TRANK1: variants seen among roughly 807,000 people sequenced by gnomAD.
TRANK1 encodes tetratricopeptide repeat and ankyrin repeat containing 1, also known as TPR and ankyrin repeat-containing protein 1.
A neutral mutation model predicts 266.0 loss-of-function variants in TRANK1; 198 were observed. The ratio of observed to expected loss-of-function variants is 0.74; its 90% confidence interval spans 0.66 to 0.84. The LOEUF is 0.84. Among genes scored for constraint, TRANK1 ranks in the 40% least tolerant of loss-of-function variants. TRANK1 has a pLI of 0.00. For missense variants in TRANK1, 3,326 were observed against 3,634.6 expected (o/e 0.92, Z 2.18); for synonymous variants, 1,396 against 1,384.1 (o/e 1.01, Z -0.19).
intron 1 of TRANK1, among the ~76,000 whole-genome samples, chr3:36,908,960 T>A (rs2080013441): frequency 6.6e-6 from 1 of 152,150 alleles, no homozygotes; most frequent in Admixed American, 6.5e-5. Flanking sequence ...CTGTACCACA[T>A]CACGTATTGG....
chr3:36,832,193 C>G lies in TRANK1; in HGVS notation c.7390G>C (p.Gly2464Arg), dbSNP rs769749139. The change falls in exon 22 of 24, where the codon GGG becomes CGG. Residue 2464 changes from glycine to arginine, a missense_variant. Physicochemically the swap from Gly to Arg is moderately radical, Grantham distance 125. Transcript: ENST00000645898. ...TTCCAGAGGCGGGCCAGCACCACCC[C>G]ACAGTGGATGAACTGGAACTCCAGG... The part of the protein sequence containing the change: ...ALLEFQFIHC[G>R]VVLARLWKNV... 6.2e-7 allele frequency: 1 copy of G among 1,613,902 alleles called. No individual in the cohort carries two copies. Among genetic ancestry groups the G allele is most frequent in the Admixed American group, 1.7e-5 (1 of 60,004 alleles).
rs1202458349 is a variant in TRANK1, at chr3:36,944,992, CA to C, written c.-184del. 505 of 515,926 alleles carry C rather than the reference CA, an allele frequency of 9.8e-4. 3 individuals are homozygous for C. The highest frequency in any genetic ancestry group is 7.0e-3 in the African/African-American group (349 of 49,504). 32.0% of individuals were successfully genotyped at this position (515,926 alleles called of 1,614,324 possible). A position where few individuals can be genotyped will look rare whatever the true frequency, so the allele number is the denominator to read the frequency against. On this transcript the variant is annotated 5_prime_UTR_variant, in exon 1 of 24. Coordinates refer to ENST00000645898, the MANE Select transcript of TRANK1 (RefSeq NM_001329998.2). ...TGCGGCTCGGCTACCCAGCCGCGAT[CA>C]GAGGGGGCGGGGGACGCAGGAACCC...
chr3:36,864,170 C>T, intron 10 of TRANK1, 149 bp downstream of exon 10: 2 of 902,538 alleles, frequency 2.2e-6, no homozygotes, highest in East Asian at 3.0e-5. Flanking sequence ...ATGGATTTTA[C>T]ACCAAAGAAT....
At chr3:36,873,513 T>C (rs2079339682) in intron 9 of TRANK1, among the ~76,000 whole-genome samples, 1 of 152,192 alleles carries the variant, frequency 6.6e-6, no homozygotes. Context: ...GTAGAAAGAG[T>C]AACATTTACA....
chr3:36,864,129 G>A (rs887082135), intron 10 of TRANK1, among the ~76,000 whole-genome samples, 190 bp downstream of exon 10: 16 of 152,148 alleles, frequency 1.1e-4, no homozygotes, highest in African/African-American at 3.9e-4. Flanking sequence ...TCTGGGGATG[G>A]GATTTAGGGG....
At chr3:36,909,222 T>C (rs1031571183) in intron 1 of TRANK1, among the ~76,000 whole-genome samples, 7 of 152,254 alleles carry the variant, frequency 4.6e-5, no homozygotes, top group Non-Finnish European at 2.9e-5. Context: ...TTAAGTTTTG[T>C]AGCCGTATGG....
chr3:36,871,569 A>G (rs1277794332), intron 9 of TRANK1, among the ~76,000 whole-genome samples: 1 of 152,270 alleles, frequency 6.6e-6, no homozygotes, highest in South Asian at 2.1e-4. Context: ...GCATTCCACA[A>G]TGACCTACTC....
At chr3:36,838,231 C>T in intron 20 of TRANK1, 141 bp downstream of exon 20, 1 of 1,304,044 alleles carries the variant, frequency 7.7e-7, no homozygotes, top group Non-Finnish European at 1.1e-6. Context: ...AAGTAGGCTT[C>T]CCTTAGAGTC....
At chr3:36,887,550 AACCC>A in intron 8 of TRANK1, among the ~76,000 whole-genome samples, 2 of 152,348 alleles carry the variant, frequency 1.3e-5, no homozygotes, top group African/African-American at 4.8e-5. Context: ...AAGCTGGTCC[AACCC>A]ATGGCCCACA....
chr3:36,854,508 G>A (rs911120250), intron 13 of TRANK1, among the ~76,000 whole-genome samples: 31 of 152,206 alleles, frequency 2.0e-4, no homozygotes, highest in African/African-American at 7.0e-4. Context: ...GATATTTGTC[G>A]GCCAAAGGAG....
chr3:36,940,544 C>T (rs995645820), intron 1 of TRANK1, among the ~76,000 whole-genome samples: 2 of 151,922 alleles, frequency 1.3e-5, no homozygotes, highest in Non-Finnish European at 2.9e-5. Context: ...GAGTGTCCCT[C>T]TCTTCCACCT....
chr3:36,892,273 G>A lies in TRANK1; in HGVS notation c.704C>T (p.Ser235Phe), dbSNP rs1375386386. 2 of 1,537,172 alleles carry A rather than the reference G, an allele frequency of 1.3e-6. No individual in the cohort carries two copies. The highest frequency in any genetic ancestry group is 2.4e-5 in the East Asian group (1 of 40,904). The change falls in exon 7 of 24, where the codon TCC (serine) becomes TTC (phenylalanine). Residue 235 changes from serine to phenylalanine, a missense_variant. By Grantham distance (155) the Ser-to-Phe change is radical. Transcript: ENST00000645898. ...TATAGTCTCAACACTTGCACCAATGGAGATGAGCCACTGGACTAACTTGGG... is the reference window on the plus strand; with the variant it reads ...TATAGTCTCAACACTTGCACCAATGAAGATGAGCCACTGGACTAACTTGGG... ...QVPKLVQWLI[S>F]IGASVETIGP...
intron 8 of TRANK1, among the ~76,000 whole-genome samples, chr3:36,874,886 G>A (rs2079363367): frequency 6.6e-6 from 1 of 151,828 alleles, no homozygotes; most frequent in Non-Finnish European, 1.5e-5. Flanking sequence ...ATCCCTGGGG[G>A]TACACAAAGA....
chr3:36,858,119 TGA>T, intron 12 of TRANK1, 70 bp from the exon 13 acceptor site: 1 of 1,293,074 alleles, frequency 7.7e-7, no homozygotes, highest in Non-Finnish European at 1.0e-6. Context: ...CCCTGGGGTT[TGA>T]GAGTGATGCC....
At position 36,866,046 on chromosome 3, in the gene TRANK1, G is replaced by GACAGAA. The variant is rs2079215374; in HGVS notation, c.1079-1567_1079-1566insTTCTGT. On this transcript the variant is annotated intron_variant, in intron 9 of 23. Coordinates refer to ENST00000645898, the MANE Select transcript of TRANK1 (RefSeq NM_001329998.2). ...AAAGAAAGAGAGAGAGAGACAGACA[G>GACAGAA]AAAGAAAAAGAAAGAAAGAAAGAAA... Among the ~76,000 whole-genome samples, 3 of 117,618 alleles carry GACAGAA rather than the reference G, an allele frequency of 2.6e-5. No individual in the cohort carries two copies. In the Admixed American group the frequency reaches 2.7e-4, roughly 10 times the overall value. 77.2% of individuals were successfully genotyped at this position (117,618 alleles called of 152,430 possible). A position where few individuals can be genotyped will look rare whatever the true frequency, so the allele number is the denominator to read the frequency against.
intron 5 of TRANK1, among the ~76,000 whole-genome samples, chr3:36,894,994 G>A (rs2079767477): frequency 6.6e-6 from 1 of 152,212 alleles, no homozygotes; most frequent in African/African-American, 2.4e-5. Flanking sequence ...TTACCTGATA[G>A]GTGCTCTTGT....
At chr3:36,850,033 T>G in intron 15 of TRANK1, 1 of 985,454 alleles carries the variant, frequency 1.0e-6, no homozygotes, top group Non-Finnish European at 1.2e-6. Context: ...AACTGGATTT[T>G]TCTTTCACAA....
In TRANK1 at chr3:36,831,025, T is replaced by A. The variant is rs1378228861; in HGVS notation, c.8558A>T (p.Lys2853Met). Residue 2853 changes from lysine (K) to methionine (M), a missense_variant, in exon 22 of 24, where the codon AAG becomes ATG. Transcript: ENST00000645898. The surrounding 1 kb of genome is among the most constrained non-coding windows in gnomAD (Gnocchi z 5.0). ...EKVDPAIDEG[K>M]LVVQDIEQSV... ...TTGCTCGATGTCCTGCACCACCAGC[T>A]TGCCTTCATCAATGGCCGGGTCCAC... 9 of 1,614,008 alleles carry A rather than the reference T, an allele frequency of 5.6e-6. No individual in the cohort carries two copies. The highest frequency in any genetic ancestry group is 7.6e-6 in the Non-Finnish European group (9 of 1,179,892).
rs376835291 is a variant in TRANK1, at chr3:36,857,565, C to A, written c.2157G>T (p.Glu719Asp). ...TLPGTQVTRK[E>D]PGALRPCSLR... Reference sequence around the variant, plus strand: ...GCGAGCAGGGCCTGAGAGCTCCAGGCTCCTTCCTGGTCACCTGGGTACCTG... The same window carrying A: ...GCGAGCAGGGCCTGAGAGCTCCAGGATCCTTCCTGGTCACCTGGGTACCTG... The change falls in exon 13 of 24, where the codon GAG becomes GAT. Residue 719 changes from glutamate (E) to aspartate (D), a missense_variant. Glu to Asp is a conservative substitution (Grantham distance 45). Transcript: ENST00000645898. This position sits in a 1 kb window ranked among gnomAD's most constrained non-coding sequence, Gnocchi z 4.3. 225 of 1,613,942 alleles carry A rather than the reference C, an allele frequency of 1.4e-4. No homozygotes were observed. Among genetic ancestry groups the A allele is most frequent in the Non-Finnish European group, 1.5e-4 (173 of 1,179,904 alleles).
Sources: allele counts gnomAD v4.1 joint callset (sites outside exome capture counted in the v4.1 genomes callset), GRCh38; gene constraint gnomAD v4.1.1; non-coding constraint Gnocchi (gnomAD v3.1); transcripts MANE v1.5; gene names NCBI Gene and HGNC (gene_info 2026-07-23, HGNC 2026-07-21).